Variants in IMPG1 observed in about 807,000 individuals in gnomAD.
IMPG1 encodes interphotoreceptor matrix proteoglycan of 150 kDa.
IMPG1 carries 85 observed loss-of-function variants against 92.0 expected under a neutral mutation model. The observed-to-expected ratio is 0.92, with a 90% CI of 0.78 to 1.11. The LOEUF (loss-of-function observed/expected upper bound fraction) is 1.11, where lower values mean the gene tolerates loss of function less well. Among genes scored for constraint, IMPG1 ranks in the 50% least tolerant of loss-of-function variants. The pLI is 0.00. For missense variants in IMPG1, 1,022 were observed against 956.0 expected (o/e 1.07, Z -0.91); for synonymous variants, 367 against 334.1 (o/e 1.10, Z -1.08).
At chr6:75,987,272 G>T (rs1007611300) in intron 12 of IMPG1, among the ~76,000 whole-genome samples, 4 of 151,440 alleles carry the variant, frequency 2.6e-5, no homozygotes, top group South Asian at 2.1e-4. Context: ...AGATGGGAAG[G>T]ATCGTTGAAC....
intron 10 of IMPG1, among the ~76,000 whole-genome samples, chr6:76,004,279 A>G (rs1351209580): frequency 1.3e-5 from 2 of 152,202 alleles, no homozygotes; most frequent in African/African-American, 4.8e-5. Flanking sequence ...GACTAAACTG[A>G]TAAGAAACAA....
Position 75,923,634 on chromosome 6 carries a change from C to A in IMPG1, c.2316G>T (p.Lys772Asn). Reference protein sequence around the residue: ...VKKFQNQQNNKVISKRNSELL... With the variant: ...VKKFQNQQNNNVISKRNSELL... ...ACCAACTTAGAAAGTATGATTTTAC[C>A]TTGTTATTTTGTTGATTTTGGAACT... Residue 772 changes from lysine (K) to asparagine (N), a missense_variant and splice_region_variant, in exon 16 of 17, where the codon AAG (lysine) becomes AAT (asparagine). Coordinates refer to ENST00000369950, the MANE Select transcript of IMPG1 (RefSeq NM_001563.4). 6.8e-7 allele frequency: 1 copy of A among 1,466,672 alleles called. No individual in the cohort carries two copies. The highest frequency in any genetic ancestry group is 1.4e-5 in the African/African-American group (1 of 72,752). The allele number at this position is 1,466,672 out of a possible 1,614,324, so 90.9% of individuals were successfully genotyped here. A position where few individuals can be genotyped will look rare whatever the true frequency, so the allele number is the denominator to read the frequency against.
At chr6:75,979,006 G>A (rs753384983) in intron 12 of IMPG1, among the ~76,000 whole-genome samples, 53 of 152,178 alleles carry the variant, frequency 3.5e-4, no homozygotes, top group Non-Finnish European at 5.3e-4. Flanking sequence ...CCACCTCCTC[G>A]GGCTCAGGTA....
chr6:75,938,831 CAAAACAAAACAAAACAAAAA>C lies in IMPG1; in HGVS notation c.2045-7700_2045-7681del, dbSNP rs1286839724. 3.3e-3 allele frequency among the ~76,000 whole-genome samples: 496 copies of C among 151,930 alleles called. 2 individuals are homozygous for C. The highest frequency in any genetic ancestry group is 0.011 in the African/African-American group (473 of 41,430). ...CATCTCAAAACAAAACAAAACAAAA[CAAAACAAAACAAAACAAAAA>C]AATACTATACTGACCAAGACAGCCT... On this transcript the variant is annotated intron_variant, in intron 14 of 16. Transcript: ENST00000369950.
At chr6:75,960,670 A>G (rs1207854071) in intron 12 of IMPG1, among the ~76,000 whole-genome samples, 2 of 152,196 alleles carry the variant, frequency 1.3e-5, no homozygotes, top group Non-Finnish European at 2.9e-5. Flanking sequence ...CACTATTTGT[A>G]AGTGTATTTT....
intron 14 of IMPG1, among the ~76,000 whole-genome samples, chr6:75,945,979 A>G (rs547153677): frequency 5.9e-5 from 9 of 152,318 alleles, no homozygotes; most frequent in African/African-American, 2.2e-4. Flanking sequence ...AGGAAGGAAG[A>G]CAGGGGATTG....
At chr6:76,062,188 C>T (rs1392556674) in intron 1 of IMPG1, among the ~76,000 whole-genome samples, 1 of 152,150 alleles carries the variant, frequency 6.6e-6, no homozygotes. Context: ...ATTGCTTTGA[C>T]TCAATAATTT....
intron 12 of IMPG1, among the ~76,000 whole-genome samples, chr6:76,000,291 T>C (rs991461580): frequency 6.6e-6 from 1 of 152,238 alleles, no homozygotes; most frequent in Non-Finnish European, 1.5e-5. Flanking sequence ...TTATAACACA[T>C]AAAATTAACT....
rs115504765 is a variant in IMPG1, at chr6:75,931,964, T to C, written c.2045-813A>G. The stretch of plus-strand genomic sequence containing the variant: ...GTAGAGAAGCAACTGACCGGAGTCC[T>C]CAAGGGCTGATGGCAGAACCAGAAC... On this transcript the variant is annotated intron_variant, in intron 14 of 16. Transcript: ENST00000369950. Among the ~76,000 whole-genome samples, 1,252 of 152,346 alleles carry C rather than the reference T, an allele frequency of 8.2e-3. 18 individuals are homozygous for C. The highest frequency in any genetic ancestry group is 0.028 in the African/African-American group (1,156 of 41,576).
At chr6:76,000,905 G>A (rs572004772) in intron 12 of IMPG1, among the ~76,000 whole-genome samples, 1 of 152,306 alleles carries the variant, frequency 6.6e-6, no homozygotes, top group South Asian at 2.1e-4. Flanking sequence ...GCAAGTTTGA[G>A]GTTATGCTTT....
chr6:75,991,434 C>T (rs1218012698), intron 12 of IMPG1, among the ~76,000 whole-genome samples: 1 of 151,558 alleles, frequency 6.6e-6, no homozygotes, highest in African/African-American at 2.4e-5. Context: ...ACACACTTGA[C>T]TTCTCACCCT....
intron 15 of IMPG1, among the ~76,000 whole-genome samples, chr6:75,924,381 ATG>A (rs1263045955): frequency 1.6e-5 from 2 of 128,142 alleles, no homozygotes; most frequent in Non-Finnish European, 3.1e-5. Context: ...TGTGATATAT[ATG>A]TATTACATAT....
intron 10 of IMPG1, 116 bp downstream of exon 10, chr6:76,005,171 C>T (rs1032049063): frequency 8.1e-6 from 8 of 990,634 alleles, no homozygotes; most frequent in Non-Finnish European, 1.2e-5. Flanking sequence ...ATTCCTGTCA[C>T]AGTAATGATC....
At position 75,924,539 on chromosome 6, in the gene IMPG1, T is replaced by TA. The variant is rs1294785841; in HGVS notation, c.2244-834dup. 2.7e-3 allele frequency among the ~76,000 whole-genome samples: 128 copies of TA among 48,100 alleles called. 1 individual carries two copies. The highest frequency in any genetic ancestry group is 3.7e-3 in the Non-Finnish European group (94 of 25,690). 31.6% of individuals were successfully genotyped at this position (48,100 alleles called of 152,430 possible). On this transcript the variant is annotated intron_variant, in intron 15 of 16. Coordinates refer to ENST00000369950, the MANE Select transcript of IMPG1 (RefSeq NM_001563.4). ...ATATAATTATATATTATAATATAAT[T>TA]ATATAATATAATTAATATAATTATA...
chr6:75,928,488 A>G (rs1781600821), intron 15 of IMPG1: 1 of 152,072 alleles, frequency 6.6e-6, no homozygotes, highest in South Asian at 2.1e-4. Flanking sequence ...TCCCAGCCCA[A>G]CCCTTCTTTT....
At chr6:76,044,401 G>A (rs1388133155) in intron 1 of IMPG1, among the ~76,000 whole-genome samples, 1 of 152,148 alleles carries the variant, frequency 6.6e-6, no homozygotes, top group Non-Finnish European at 1.5e-5. Context: ...TAGGGAGACT[G>A]TGCCCCTACA....
At chr6:75,925,547 C>T (rs1184759837) in intron 15 of IMPG1, among the ~76,000 whole-genome samples, 2 of 152,024 alleles carry the variant, frequency 1.3e-5, no homozygotes, top group African/African-American at 4.8e-5. Context: ...GAGGTTGAGG[C>T]CAGGTGCGGT....
intron 12 of IMPG1, among the ~76,000 whole-genome samples, chr6:75,966,443 A>C (rs1782308961): frequency 6.6e-6 from 1 of 152,190 alleles, no homozygotes; most frequent in South Asian, 2.1e-4. Flanking sequence ...TATAAAAGGC[A>C]GTTTGACCCT....
chr6:75,925,556 G>C (rs962739958), intron 15 of IMPG1, among the ~76,000 whole-genome samples: 1 of 152,174 alleles, frequency 6.6e-6, no homozygotes, highest in African/African-American at 2.4e-5. Flanking sequence ...GCCAGGTGCG[G>C]TGGCTCATAC....
Sources: allele counts gnomAD v4.1 joint callset (sites outside exome capture counted in the v4.1 genomes callset), GRCh38; gene constraint gnomAD v4.1.1; transcripts MANE v1.5; gene names NCBI Gene and HGNC (gene_info 2026-07-23, HGNC 2026-07-21).